The following CUX1 variants were observed in gnomAD, a reference collection of about 807,000 sequenced individuals.
The protein encoded by CUX1 is cut like homeobox 1, also known as protein CASP.
A neutral mutation model predicts 158.8 loss-of-function variants in CUX1; 31 were observed. The ratio of observed to expected loss-of-function variants is 0.20; its 90% CI spans 0.15 to 0.26. CUX1 has a LOEUF of 0.26. Ranked by LOEUF, CUX1 falls within the 10% of genes least tolerant of loss-of-function variation. The pLI, the probability that CUX1 is intolerant of heterozygous loss-of-function variation, is 1.00. For missense variants in CUX1, 1,589 were observed against 2,014.6 expected (o/e 0.79, Z 4.04); for synonymous variants, 879 against 862.1 (o/e 1.02, Z -0.34).
rs147838867 is a variant in CUX1, at chr7:101,821,124, C to A, written c.30+3455C>A. 1.2e-4 allele frequency among the ~76,000 whole-genome samples: 18 copies of A among 152,188 alleles called. No individual in the cohort carries two copies. The East Asian group carries it at 2.9e-3, about 24-fold the overall frequency. The stretch of plus-strand genomic sequence containing the variant: ...ATTTAATATCTGCATTGTTATATGA[C>A]TTTAGAGCAAAGAATTTGTGAATTC... On this transcript the variant is annotated intron_variant, in intron 1 of 23. Coordinates refer to ENST00000292535, the MANE Select transcript of CUX1 (RefSeq NM_181552.4).
intron 9 of CUX1, among the ~76,000 whole-genome samples, chr7:102,166,930 C>T (rs782796561): frequency 3.3e-5 from 5 of 152,178 alleles, no homozygotes; most frequent in Non-Finnish European, 7.3e-5. Context: ...GAGAGACTGT[C>T]CGTGAACTTG....
At position 102,255,791 on chromosome 7, in the gene CUX1, T is replaced by C; in HGVS notation, c.*6749T>C. 2 of 985,416 alleles carry C rather than the reference T, an allele frequency of 2.0e-6. No homozygotes were observed. The highest frequency in any genetic ancestry group is 2.4e-6 in the Non-Finnish European group (2 of 829,912). The allele number at this position is 985,416 out of a possible 1,614,324, so 61.0% of individuals were successfully genotyped here. On this transcript the variant is annotated 3_prime_UTR_variant, in exon 24 of 24. Transcript: ENST00000292535. Reference sequence around the variant, plus strand: ...AAGTGGCACGGAGCTGCTTTTGTTTTATAATTCTTTTTTCCCCCCTTTTCC... The same window carrying C: ...AAGTGGCACGGAGCTGCTTTTGTTTCATAATTCTTTTTTCCCCCCTTTTCC...
At chr7:102,190,542 C>G (rs1390421934) in intron 12 of CUX1, among the ~76,000 whole-genome samples, 1 of 152,286 alleles carries the variant, frequency 6.6e-6, no homozygotes, top group African/African-American at 2.4e-5. Context: ...TGGTCAGACC[C>G]TCTACGTTCA....
intron 2 of CUX1, among the ~76,000 whole-genome samples, chr7:101,930,626 AG>A (rs1176783392): frequency 6.6e-6 from 1 of 152,230 alleles, no homozygotes; most frequent in Non-Finnish European, 1.5e-5. Context: ...CCTGTTATGC[AG>A]AGTCTTGTAA....
intron 2 of CUX1, among the ~76,000 whole-genome samples, chr7:102,025,560 G>A (rs1485244273): frequency 1.3e-5 from 2 of 151,998 alleles, no homozygotes; most frequent in Non-Finnish European, 2.9e-5. Context: ...CCCGGGAGGT[G>A]GAGGTTACAG....
chr7:102,259,382 G>A (rs1165098395), downstream of CUX1, among the ~76,000 whole-genome samples: 5 of 152,202 alleles, frequency 3.3e-5, no homozygotes, highest in South Asian at 2.1e-4. Flanking sequence ...GAGGTCAGGA[G>A]TTCAAGACCA....
intron 1 of CUX1, among the ~76,000 whole-genome samples, chr7:101,866,494 T>G (rs756647555): frequency 6.6e-6 from 1 of 151,784 alleles, no homozygotes; most frequent in Non-Finnish European, 1.5e-5. Flanking sequence ...TAACCAGTTG[T>G]GGTAGCACTT....
chr7:102,197,200 A>T lies in CUX1; in HGVS notation c.1789A>T (p.Asn597Tyr). The change falls in exon 15 of 24, where the codon AAT becomes TAT. Residue 597 changes from asparagine (N) to tyrosine (Y), a missense_variant. Asn to Tyr is a moderately radical substitution (Grantham distance 143). Around this residue, in one of 8 missense-constraint regions of CUX1, gnomAD observed 37 missense variants for 124.9 expected, o/e 0.30. Transcript: ENST00000292535. ...SEILARPKPW[N>Y]KLTVRGKEPF... ...GATTCTGGCCCGGCCCAAGCCATGGAATAAACTGACTGTTCGTGGCAAGGA... is the reference window on the plus strand; with the variant it reads ...GATTCTGGCCCGGCCCAAGCCATGGTATAAACTGACTGTTCGTGGCAAGGA... 6.2e-7 allele frequency: 1 copy of T among 1,614,226 alleles called. No homozygotes were observed. Among genetic ancestry groups the T allele is most frequent in the Non-Finnish European group, 8.5e-7 (1 of 1,180,052 alleles).
chr7:101,908,167 A>G (rs752327386), intron 1 of CUX1, among the ~76,000 whole-genome samples: 2 of 152,206 alleles, frequency 1.3e-5, no homozygotes, highest in South Asian at 2.1e-4. Context: ...AGCAGATTCT[A>G]TGCATCTATG....
At chr7:102,183,109 C>T (rs566498262) in intron 11 of CUX1, among the ~76,000 whole-genome samples, 1 of 152,108 alleles carries the variant, frequency 6.6e-6, no homozygotes, top group South Asian at 2.1e-4. Context: ...GGTATAAAAC[C>T]GTCCCTCTGG....
chr7:102,060,612 C>CACACACAAATAA (rs1824729991), intron 3 of CUX1, among the ~76,000 whole-genome samples: 1 of 130,518 alleles, frequency 7.7e-6, no homozygotes, highest in Admixed American at 8.0e-5. Flanking sequence ...CAAATAAACA[C>CACACACAAATAA]ACACACACAC....
intron 17 of CUX1, among the ~76,000 whole-genome samples, chr7:102,276,725 A>G (rs1304648264): frequency 6.6e-6 from 1 of 152,228 alleles, no homozygotes; most frequent in Non-Finnish European, 1.5e-5. Context: ...GTGTGATTCC[A>G]TGAATACGAA....
chr7:101,904,015 A>C (rs1802455589), intron 1 of CUX1, among the ~76,000 whole-genome samples: 1 of 152,100 alleles, frequency 6.6e-6, no homozygotes, highest in Non-Finnish European at 1.5e-5. Context: ...AATTTTAGCC[A>C]GGTCCGGTCA....
chr7:102,020,609 G>A (rs898782970), intron 2 of CUX1, among the ~76,000 whole-genome samples: 1 of 152,220 alleles, frequency 6.6e-6, no homozygotes, highest in African/African-American at 2.4e-5. Context: ...GTCAGGCGTG[G>A]TGGCTCACGC....
chr7:102,054,264 T>C (rs182843821), intron 3 of CUX1, among the ~76,000 whole-genome samples: 1 of 152,382 alleles, frequency 6.6e-6, no homozygotes, highest in East Asian at 1.9e-4. Context: ...CACCTGTGTT[T>C]TCTTTTAAGA....
intron 1 of CUX1, among the ~76,000 whole-genome samples, chr7:101,910,207 C>G (rs1803260624): frequency 2.0e-5 from 3 of 152,104 alleles, no homozygotes; most frequent in Admixed American, 1.3e-4. Context: ...AGCACAGTGG[C>G]TTGATTATGA....
At chr7:102,105,511 T>C in intron 6 of CUX1, among the ~76,000 whole-genome samples, 1 of 145,698 alleles carries the variant, frequency 6.9e-6, no homozygotes, top group Non-Finnish European at 1.5e-5. Context: ...GATCTTTTTT[T>C]TTTTTTTTTT....
At chr7:102,127,674 A>G (rs1419894136) in intron 8 of CUX1, among the ~76,000 whole-genome samples, 1 of 152,130 alleles carries the variant, frequency 6.6e-6, no homozygotes, top group African/African-American at 2.4e-5. Flanking sequence ...TCCATCACGT[A>G]GGTGAGCCCT....
chr7:102,196,867 C>T lies in CUX1; in HGVS notation c.1456C>T (p.Arg486Trp). The T allele has an allele frequency of 1.9e-6, 3 of 1,614,202 alleles. No homozygotes were observed. The highest frequency in any genetic ancestry group is 1.6e-4 in the Middle Eastern group (1 of 6,062). Residue 486 changes from arginine (R) to tryptophan (W), a missense_variant, in exon 15 of 24, where the codon CGG (arginine) becomes TGG (tryptophan). Around this residue, in one of 8 missense-constraint regions of CUX1, gnomAD observed 515 missense variants for 574.4 expected, o/e 0.90. Coordinates refer to ENST00000292535, the MANE Select transcript of CUX1 (RefSeq NM_181552.4). ...GKFALNSLLQRQLMQSFYSKA... is the reference protein window; with the variant it reads ...GKFALNSLLQWQLMQSFYSKA... ...ATTTGCACTAAACTCTCTTCTCCAG[C>T]GGCAGCTAATGCAGTCCTTCTACTC... is the stretch of plus-strand genomic sequence containing the variant.
Sources: allele counts gnomAD v4.1 joint callset (sites outside exome capture counted in the v4.1 genomes callset), GRCh38; gene constraint gnomAD v4.1.1; regional missense constraint gnomAD v4.1.1; transcripts MANE v1.5; gene names NCBI Gene and HGNC (gene_info 2026-07-23, HGNC 2026-07-21).